RBP5: variants seen among roughly 807,000 people sequenced by gnomAD.
RBP5 encodes retinol-binding protein 5.
RBP5 carries 12 observed loss-of-function variants against 17.8 expected under a neutral mutation model. The ratio of observed to expected loss-of-function variants is 0.67; its 90% CI spans 0.43 to 1.09. The LOEUF (loss-of-function observed/expected upper bound fraction) is 1.09. RBP5 is among the 50% of genes least tolerant of loss of function. RBP5 has a pLI of 0.00. For synonymous variants in RBP5, 64 were observed against 68.1 expected (o/e 0.94, Z 0.30); for missense variants, 172 against 169.4 (o/e 1.02, Z -0.09).
intron 2 of RBP5, among the ~76,000 whole-genome samples, chr12:7,126,510 GGTGTGTGTGTGT>G (rs780320410): frequency 2.8e-4 from 37 of 131,102 alleles, no homozygotes; most frequent in South Asian, 1.5e-3. Context: ...TGGTGGTGGT[GGTGTGTGTGTGT>G]GTGTGTGTGT....
At chr12:7,122,044 A>G (rs943443249), downstream of RBP5, among the ~76,000 whole-genome samples, 3 of 152,036 alleles carry the variant, frequency 2.0e-5, no homozygotes, top group African/African-American at 7.3e-5. Context: ...AATGAGGGGT[A>G]ATGGTCTTGT....
downstream of RBP5, chr12:7,119,440 A>T (rs1348496035): frequency 6.5e-6 from 1 of 153,648 alleles, no homozygotes; most frequent in East Asian, 1.9e-4. Context: ...GGGTGCAATG[A>T]GAGACTCTGG....
Position 7,124,616 on chromosome 12 carries a change from C to T in RBP5, c.354+13G>A. On this transcript the variant is annotated intron_variant, in intron 3 of 3. Coordinates refer to ENST00000266560, the MANE Select transcript of RBP5 (RefSeq NM_031491.4). The surrounding 1 kb of genome is among the most constrained non-coding windows in gnomAD (Gnocchi z 5.3). Reference sequence around the variant, plus strand: ...GGCCCTTCTCCCAGACACCCAGCCCCCACCCCATTTACCAGATACAGCATC... The same window carrying T: ...GGCCCTTCTCCCAGACACCCAGCCCTCACCCCATTTACCAGATACAGCATC... 3 of 1,476,556 alleles carry T rather than the reference C, an allele frequency of 2.0e-6. No individual in the cohort carries two copies. The highest frequency in any genetic ancestry group is 2.8e-6 in the Non-Finnish European group (3 of 1,055,226). 91.5% of individuals were successfully genotyped at this position (1,476,556 alleles called of 1,614,324 possible).
chr12:7,128,746 G>A lies in RBP5; in HGVS notation c.30C>T (p.Arg10=), dbSNP rs1258525300. Residue 10 remains arginine, a synonymous_variant, in exon 1 of 4, where the codon CGC becomes CGT. Transcript: ENST00000266560. The surrounding 1 kb of genome is among the most constrained non-coding windows in gnomAD (Gnocchi z 5.3). The part of the protein sequence containing the change: MPPNLTGYY[R]FVSQKNMEDY... ...CCTCCATGTTCTTCTGCGAGACAAA[G>A]CGGTAGTAGCCAGTGAGGTTGGGAG... 6.2e-7 allele frequency: 1 copy of A among 1,605,354 alleles called. No individual in the cohort carries two copies. Among genetic ancestry groups the A allele is most frequent in the Non-Finnish European group, 8.5e-7 (1 of 1,176,024 alleles).
At chr12:7,123,002 C>T (rs1191258337), downstream of RBP5, among the ~76,000 whole-genome samples, 1 of 152,134 alleles carries the variant, frequency 6.6e-6, no homozygotes, top group East Asian at 1.9e-4. Flanking sequence ...CAAGAGTCTT[C>T]ATCTGATGAG....
At position 7,124,603 on chromosome 12, in the gene RBP5, A is replaced by T; in HGVS notation, c.354+26T>A. ...CCTTATAGCTGGAGGCCCTTCTCCC[A>T]GACACCCAGCCCCCACCCCATTTAC... On this transcript the variant is annotated intron_variant, in intron 3 of 3. Coordinates refer to ENST00000266560, the MANE Select transcript of RBP5 (RefSeq NM_031491.4). The surrounding 1 kb of genome is among the most constrained non-coding windows in gnomAD (Gnocchi z 5.3). 1 of 1,327,550 alleles carries T rather than the reference A, an allele frequency of 7.5e-7. No homozygotes were observed. Among genetic ancestry groups the T allele is most frequent in the Non-Finnish European group, 1.1e-6 (1 of 920,892 alleles). The allele number at this position is 1,327,550 out of a possible 1,614,324, so 82.2% of individuals were successfully genotyped here. A position where few individuals can be genotyped will look rare whatever the true frequency, so the allele number is the denominator to read the frequency against.
At chr12:7,129,781 G>T, upstream of RBP5, 1 of 985,604 alleles carries the variant, frequency 1.0e-6, no homozygotes, top group East Asian at 1.1e-4. The surrounding 1 kb of genome is among the most constrained non-coding windows in gnomAD (Gnocchi z 5.5). Context: ...AATTCGGGGC[G>T]AAGGAGGCAG....
chr12:7,128,896 G>A (rs1310675518), upstream of RBP5: 12 of 817,712 alleles, frequency 1.5e-5, no homozygotes, highest in Non-Finnish European at 2.5e-5. This position sits in a 1 kb window ranked among gnomAD's most constrained non-coding sequence, Gnocchi z 5.3. Flanking sequence ...ATGTGTAATG[G>A]CCGGGTTACC....
upstream of RBP5, chr12:7,129,757 ATG>A (rs1407570729): frequency 1.0e-6 from 1 of 985,318 alleles, no homozygotes; most frequent in Non-Finnish European, 1.2e-6. This position sits in a 1 kb window ranked among gnomAD's most constrained non-coding sequence, Gnocchi z 5.5. Context: ...TTGGTTCATC[ATG>A]GTTTAAGGTG....
chr12:7,121,009 C>T (rs1210146828), downstream of RBP5: 2 of 139,394 alleles, frequency 1.4e-5, no homozygotes, highest in African/African-American at 5.4e-5. Flanking sequence ...GCCTGGGCGG[C>T]AGAGCAAGAT....
downstream of RBP5, among the ~76,000 whole-genome samples, chr12:7,121,477 C>T (rs1032760908): frequency 6.6e-6 from 1 of 152,110 alleles, no homozygotes; most frequent in Non-Finnish European, 1.5e-5. Flanking sequence ...ACGTAGGCGT[C>T]AGGGTCATGT....
At position 7,123,830 on chromosome 12, in the gene RBP5, C is replaced by T. The variant is rs1321876043; in HGVS notation, c.*291G>A. 2.7e-5 allele frequency: 11 copies of T among 407,436 alleles called. No homozygotes were observed. Among genetic ancestry groups the T allele is most frequent in the Middle Eastern group, 6.4e-4 (1 of 1,556 alleles). 25.2% of individuals were successfully genotyped at this position (407,436 alleles called of 1,614,324 possible). On this transcript the variant is annotated 3_prime_UTR_variant, in exon 4 of 4. Coordinates refer to ENST00000266560, the MANE Select transcript of RBP5 (RefSeq NM_031491.4). ...AAGAGGTCAAATGGACAGGAGAGAGCGGAGATTGGTTGTTCTCAGGGGCTC... is the reference window on the plus strand; with the variant it reads ...AAGAGGTCAAATGGACAGGAGAGAGTGGAGATTGGTTGTTCTCAGGGGCTC...
rs141012334 is a variant in RBP5 at position 7,127,716 on chromosome 12, T to C, written c.252+524A>G. ...GAGAATTCATGCCAAGGGCAGCCTA[T>C]AGATGGAAGCAGAAGGCATGGGTGT... On this transcript the variant is annotated intron_variant, in intron 2 of 3. Coordinates refer to ENST00000266560, the MANE Select transcript of RBP5 (RefSeq NM_031491.4). 301 of 702,184 alleles carry C rather than the reference T, an allele frequency of 4.3e-4. 1 individual carries two copies. The African/African-American group carries it at 4.7e-3, about 11-fold the overall frequency. The allele number at this position is 702,184 out of a possible 1,614,324, so 43.5% of individuals were successfully genotyped here. A position where few individuals can be genotyped will look rare whatever the true frequency, so the allele number is the denominator to read the frequency against.
At chr12:7,126,221 C>A (rs1270176291) in intron 2 of RBP5, among the ~76,000 whole-genome samples, 1 of 151,574 alleles carries the variant, frequency 6.6e-6, no homozygotes. Flanking sequence ...GGGTCAGGAG[C>A]CATATTAGAA....
In RBP5 at chr12:7,117,139, A is replaced by G. The variant is rs893029557; in HGVS notation, n.1058T>C. The G allele has an allele frequency of 1.3e-5, 2 of 152,266 alleles. No homozygotes were observed. The highest frequency in any genetic ancestry group is 6.5e-5 in the Admixed American group (1 of 15,290). The allele number at this position is 152,266 out of a possible 1,614,324, so 9.4% of individuals were successfully genotyped here. On this transcript the variant is annotated non_coding_transcript_exon_variant, in exon 4 of 4. Coordinates refer to the RBP5 transcript ENST00000619522. The surrounding 1 kb of genome is among the most constrained non-coding windows in gnomAD (Gnocchi z 4.9). Reference sequence around the variant, plus strand: ...GCAGGCGGCCTCAGTTCCCTGCCACATGGCCCTCCTCATAGGACGCTTGAG... The same window carrying G: ...GCAGGCGGCCTCAGTTCCCTGCCACGTGGCCCTCCTCATAGGACGCTTGAG...
chr12:7,128,443 G>C lies in RBP5; in HGVS notation c.74-25C>G. The stretch of plus-strand genomic sequence containing the variant: ...TCTGTGGGGGCTGCCTGTTAGTAGG[G>C]GTGCTGCTAGCCAGCCAGGAGCTCC... On this transcript the variant is annotated intron_variant, in intron 1 of 3. Coordinates refer to ENST00000266560, the MANE Select transcript of RBP5 (RefSeq NM_031491.4). This position sits in a 1 kb window ranked among gnomAD's most constrained non-coding sequence, Gnocchi z 5.3. 1 of 1,611,484 alleles carries C rather than the reference G, an allele frequency of 6.2e-7. No homozygotes were observed. The highest frequency in any genetic ancestry group is 8.5e-7 in the Non-Finnish European group (1 of 1,178,222).
rs1939218647 is a variant in RBP5 at position 7,128,560 on chromosome 12, A to G, written c.74-142T>C. On this transcript the variant is annotated intron_variant, in intron 1 of 3. Transcript: ENST00000266560. The surrounding 1 kb of genome is among the most constrained non-coding windows in gnomAD (Gnocchi z 5.3). ...CCCTCCTACCAATGCCTGGTTAGAAATGGATCCCAGGTCTGGTGCCAGCCG... is the reference window on the plus strand; with the variant it reads ...CCCTCCTACCAATGCCTGGTTAGAAGTGGATCCCAGGTCTGGTGCCAGCCG... The G allele has an allele frequency of 5.9e-6, 7 of 1,188,246 alleles. No individual in the cohort carries two copies. In the African/African-American group the frequency reaches 1.1e-4, roughly 18 times the overall value. 73.6% of individuals were successfully genotyped at this position (1,188,246 alleles called of 1,614,324 possible). A position where few individuals can be genotyped will look rare whatever the true frequency, so the allele number is the denominator to read the frequency against.
chr12:7,124,665 G>T lies in RBP5; in HGVS notation c.318C>A (p.Gly106=). Residue 106 remains glycine, a synonymous_variant, in exon 3 of 4, where the codon GGC becomes GGA. Coordinates refer to ENST00000266560, the MANE Select transcript of RBP5 (RefSeq NM_031491.4). This position sits in a 1 kb window ranked among gnomAD's most constrained non-coding sequence, Gnocchi z 5.3. ...TCTCTCCCTCCAGCCAGTGTCTCCA[G>T]CCCCGGTTGGGGACCTCCCCTTTCT... The part of the protein sequence containing the change: ...CVQKGEVPNR[G]WRHWLEGEML... 1 of 1,609,894 alleles carries T rather than the reference G, an allele frequency of 6.2e-7. No individual in the cohort carries two copies. Among genetic ancestry groups the T allele is most frequent in the Non-Finnish European group, 8.5e-7 (1 of 1,176,336 alleles).
downstream of RBP5, among the ~76,000 whole-genome samples, chr12:7,121,378 C>A (rs1286250531): frequency 6.6e-6 from 1 of 152,188 alleles, no homozygotes; most frequent in African/African-American, 2.4e-5. Context: ...AACCATGTTA[C>A]AGGATTGGAC....
Sources: gnomAD v4.1 joint callset for allele counts (sites outside exome capture counted in the v4.1 genomes callset) on GRCh38, gnomAD v4.1.1 for gene constraint, Gnocchi (gnomAD v3.1) non-coding constraint, MANE v1.5 for transcripts, NCBI Gene and HGNC (gene_info 2026-07-23, HGNC 2026-07-21) for gene names.